The following ARHGAP30 variants were observed in gnomAD, a reference collection of about 807,000 sequenced individuals.
ARHGAP30 encodes rho GTPase-activating protein 30.
In ARHGAP30, 23 loss-of-function variants were observed where a neutral mutation model predicts 72.0. That is an observed-to-expected ratio of 0.32 (90% confidence interval 0.23 to 0.45). The LOEUF (loss-of-function observed/expected upper bound fraction) is 0.45. Ranked by LOEUF, ARHGAP30 falls within the 20% of genes least tolerant of loss-of-function variation. The probability of loss-of-function intolerance (pLI) is 1.00; values close to 1 mark genes in which losing one functional copy is unlikely to be tolerated. For synonymous variants in ARHGAP30, 576 were observed against 528.2 expected, an observed-to-expected ratio of 1.09 and a Z score of -1.24; for missense variants, 1,319 against 1,383.4, an observed-to-expected ratio of 0.95 and a Z score of 0.74.
At chr1:161,068,798 C>T (rs1652946694) in intron 1 of ARHGAP30, among the ~76,000 whole-genome samples, 1 of 152,104 alleles carries the variant, frequency 6.6e-6, no homozygotes, top group Non-Finnish European at 1.5e-5. Flanking sequence ...TGGGTGAGCT[C>T]CACAGACAGC....
rs1244364813 is a variant in ARHGAP30, at chr1:161,048,351, T to G, written c.2670A>C (p.Pro890=). 3 of 1,614,138 alleles carry G rather than the reference T, an allele frequency of 1.9e-6. No individual in the cohort carries two copies. Among genetic ancestry groups the G allele is most frequent in the Non-Finnish European group, 2.5e-6 (3 of 1,180,016 alleles). The stretch of plus-strand genomic sequence containing the variant: ...CCATCTCCTCTGGCTGAGGTGGCTG[T>G]GGGGCTACCTCTTCCATCTCAGAAG... ...PHSSEMEEVA[P]QPPQPEEMEP... Residue 890 remains proline (P), a synonymous_variant, in exon 12 of 12, where the codon CCA becomes CCC. Transcript: ENST00000368013.
Position 161,047,509 on chromosome 1 carries a change from C to G in ARHGAP30, c.*206G>C. 2.3e-6 allele frequency: 1 copy of G among 428,512 alleles called. No individual in the cohort carries two copies. The highest frequency in any genetic ancestry group is 4.0e-6 in the Non-Finnish European group (1 of 250,492). The allele number at this position is 428,512 out of a possible 1,614,324, so 26.5% of individuals were successfully genotyped here. Reference sequence around the variant, plus strand: ...TCTTGTTGACTTTCTTGGGAATCTCCTAAGAGATAAGTGCTTTGTGTCGGA... The same window carrying G: ...TCTTGTTGACTTTCTTGGGAATCTCGTAAGAGATAAGTGCTTTGTGTCGGA... On this transcript the variant is annotated 3_prime_UTR_variant, in exon 12 of 12. Coordinates refer to ENST00000368013, the MANE Select transcript of ARHGAP30 (RefSeq NM_001025598.2).
chr1:161,068,609 G>A (rs1156761597), intron 1 of ARHGAP30, among the ~76,000 whole-genome samples: 1 of 152,154 alleles, frequency 6.6e-6, no homozygotes, highest in Non-Finnish European at 1.5e-5. Context: ...TTCTCTAGGA[G>A]GAGCTTGAAG....
At chr1:161,052,390 C>T (rs1443596029) in intron 8 of ARHGAP30, 27 bp from the exon 9 acceptor site, 1 of 1,613,206 alleles carries the variant, frequency 6.2e-7, no homozygotes, top group African/African-American at 1.3e-5. Flanking sequence ...TGTGTAGAGC[C>T]AGGGCCTTGT....
intron 10 of ARHGAP30, among the ~76,000 whole-genome samples, chr1:161,050,191 C>T (rs554146076): frequency 7.4e-4 from 113 of 152,120 alleles, no homozygotes; most frequent in Admixed American, 2.4e-3. Flanking sequence ...AATTGATTAA[C>T]CTAAGTCTCA....
chr1:161,062,567 A>G (rs1652388303), intron 1 of ARHGAP30, among the ~76,000 whole-genome samples: 1 of 151,882 alleles, frequency 6.6e-6, no homozygotes, highest in Admixed American at 6.6e-5. Context: ...CGTCTCTACT[A>G]AAAATATAAA....
intron 6 of ARHGAP30, 131 bp downstream of exon 6, chr1:161,053,127 G>A: frequency 1.5e-6 from 2 of 1,346,202 alleles, no homozygotes; most frequent in East Asian, 4.7e-5. Context: ...TATCTCCCCA[G>A]GGTTCTCTCC....
intron 10 of ARHGAP30, among the ~76,000 whole-genome samples, 165 bp from the exon 11 acceptor site, chr1:161,049,854 TA>T (rs1453501225): frequency 5.3e-5 from 8 of 152,300 alleles, no homozygotes; most frequent in African/African-American, 1.7e-4. Flanking sequence ...CTTGCTACCT[TA>T]ATTGAGACCC....
intron 2 of ARHGAP30, among the ~76,000 whole-genome samples, chr1:161,058,398 A>G (rs569879823): frequency 1.3e-5 from 2 of 152,224 alleles, no homozygotes; most frequent in East Asian, 1.9e-4. Flanking sequence ...AGGCTAAGGC[A>G]GGCAGATCAC....
intron 2 of ARHGAP30, among the ~76,000 whole-genome samples, chr1:161,058,626 C>CAAA (rs758250379): frequency 2.3e-5 from 2 of 87,060 alleles, no homozygotes; most frequent in East Asian, 3.0e-4. Flanking sequence ...GACTCTGTCT[C>CAAA]AAAAAAAAAA....
Position 161,047,676 on chromosome 1 carries a change from C to T in ARHGAP30, c.*39G>A, listed in dbSNP as rs773882907. 1 of 1,493,432 alleles carries T rather than the reference C, an allele frequency of 6.7e-7. No homozygotes were observed. Among genetic ancestry groups the T allele is most frequent in the South Asian group, 1.4e-5 (1 of 69,874 alleles). The allele number at this position is 1,493,432 out of a possible 1,614,324, so 92.5% of individuals were successfully genotyped here. ...AGTCAGGAACCCTGGAGATTCAAGACAACTTGCTGGTCCCCTTTGCCCAGG... is the reference window on the plus strand; with the variant it reads ...AGTCAGGAACCCTGGAGATTCAAGATAACTTGCTGGTCCCCTTTGCCCAGG... On this transcript the variant is annotated 3_prime_UTR_variant, in exon 12 of 12. Transcript: ENST00000368013.
intron 1 of ARHGAP30, among the ~76,000 whole-genome samples, chr1:161,063,818 C>T (rs1652494369): frequency 2.0e-5 from 3 of 152,152 alleles, no homozygotes; most frequent in African/African-American, 7.2e-5. Context: ...CCCACCGGGG[C>T]GTACCTGTCT....
Position 161,053,277 on chromosome 1 carries a change from A to G in ARHGAP30, c.645T>C (p.Phe215=). The G allele has an allele frequency of 6.2e-7, 1 of 1,613,942 alleles. No homozygotes were observed. Among genetic ancestry groups the G allele is most frequent in the Non-Finnish European group, 8.5e-7 (1 of 1,179,996 alleles). The change falls in exon 6 of 12, where the codon TTT becomes TTC. Residue 215 remains phenylalanine, a synonymous_variant. Coordinates refer to ENST00000368013, the MANE Select transcript of ARHGAP30 (RefSeq NM_001025598.2). ...ACTGACCAGAGAGGGCAGCACCCCC[A>G]AAGAGCTGGTCCACGTGTGTGAGGA... ...EFILTHVDQL[F]GGAALSGGEV... is the part of the protein sequence containing the mutation.
rs779534680 is a variant in ARHGAP30, at chr1:161,056,513, G to A, written c.220C>T (p.Arg74Trp). ...QKLRQEFESE[R>W]KPDLRRDVYL... ...ACATCCCGACGCAGGTCTGGCTTCCGCTCTGACTCAAATTCCTGCCTGGGG... is the reference window on the plus strand; with the variant it reads ...ACATCCCGACGCAGGTCTGGCTTCCACTCTGACTCAAATTCCTGCCTGGGG... Residue 74 changes from arginine to tryptophan, a missense_variant, in exon 3 of 12, where the codon CGG becomes TGG. Physicochemically the swap from Arg to Trp is moderately radical, Grantham distance 101 (BLOSUM62 -3). Transcript: ENST00000368013. 7 of 1,613,398 alleles carry A rather than the reference G, an allele frequency of 4.3e-6. No homozygotes were observed. The highest frequency in any genetic ancestry group is 2.2e-5 in the East Asian group (1 of 44,894).
At chr1:161,054,528 G>A in intron 4 of ARHGAP30, 55 bp from the exon 5 acceptor site, 4 of 1,601,704 alleles carry the variant, frequency 2.5e-6, no homozygotes, top group Non-Finnish European at 3.4e-6. Context: ...AGGCATTAGG[G>A]CTGGGACCTG....
In ARHGAP30 at chr1:161,051,558, C is replaced by T. The variant is rs920430871; in HGVS notation, c.1176G>A (p.Gly392=). 18 of 1,614,020 alleles carry T rather than the reference C, an allele frequency of 1.1e-5. No homozygotes were observed. Among genetic ancestry groups the T allele is most frequent in the Non-Finnish European group, 1.5e-5 (18 of 1,180,054 alleles). The change falls in exon 10 of 12, where the codon GGG becomes GGA. Residue 392 remains glycine, a synonymous_variant. Coordinates refer to ENST00000368013, the MANE Select transcript of ARHGAP30 (RefSeq NM_001025598.2). ...TNSEPGTPRA[G]RSAIRAGGSS... is the part of the protein sequence containing the mutation. The stretch of plus-strand genomic sequence containing the variant: ...TGCCCCCAGCCCGGATGGCTGACCG[C>T]CCAGCTCGTGGTGTGCCTGGTTCAG...
At position 161,051,839 on chromosome 1, in the gene ARHGAP30, G is replaced by T. The variant is rs542865419; in HGVS notation, c.1019-124C>A. On this transcript the variant is annotated intron_variant, in intron 9 of 11. Transcript: ENST00000368013. ...CTTGAAAGCAACGATAGCCTGGAAG[G>T]CACCAGGCCCAGCTTCTTTTGATCA... 4 of 1,431,586 alleles carry T rather than the reference G, an allele frequency of 2.8e-6. No individual in the cohort carries two copies. In the South Asian group the frequency reaches 6.0e-5, roughly 22 times the overall value. The allele number at this position is 1,431,586 out of a possible 1,614,324, so 88.7% of individuals were successfully genotyped here. A position where few individuals can be genotyped will look rare whatever the true frequency, so the allele number is the denominator to read the frequency against.
In ARHGAP30 at chr1:161,052,663, G is replaced by A. The variant is rs773498068; in HGVS notation, c.799C>T (p.Arg267Trp). ...ATCTCGATGATAGTATGGTAGGGCC[G>A]CATCTGTGGGGGTCCATCGCCAGCC... ...LQAGDGPPQMRPYHTIIEIAE... is the reference protein window; with the variant it reads ...LQAGDGPPQMWPYHTIIEIAE... Residue 267 changes from arginine to tryptophan, a missense_variant, in exon 7 of 12, where the codon CGG (arginine) becomes TGG (tryptophan). Coordinates refer to ENST00000368013, the MANE Select transcript of ARHGAP30 (RefSeq NM_001025598.2). The A allele has an allele frequency of 3.1e-5, 50 of 1,613,666 alleles. No individual in the cohort carries two copies. The highest frequency in any genetic ancestry group is 4.0e-5 in the African/African-American group (3 of 74,882).
chr1:161,057,140 A>G (rs1447395682), intron 2 of ARHGAP30, among the ~76,000 whole-genome samples: 1 of 150,814 alleles, frequency 6.6e-6, no homozygotes, highest in African/African-American at 2.4e-5. Context: ...TTCAATGACT[A>G]GAAAGACAAA....
Sources: gnomAD v4.1 joint callset for allele counts (sites outside exome capture counted in the v4.1 genomes callset) on GRCh38, gnomAD v4.1.1 for gene constraint, MANE v1.5 for transcripts, NCBI Gene and HGNC (gene_info 2026-07-23, HGNC 2026-07-21) for gene names.